The following PIK3R5 variants were observed in gnomAD, a reference collection of about 807,000 sequenced individuals.
PIK3R5 encodes the protein phosphoinositide-3-kinase regulatory subunit 5.
In PIK3R5, 32 loss-of-function variants were observed where a neutral mutation model predicts 94.9. The ratio of observed to expected loss-of-function variants is 0.34; its 90% CI spans 0.25 to 0.45. The LOEUF is 0.45. Ranked by LOEUF, PIK3R5 falls within the 20% of genes least tolerant of loss-of-function variation. PIK3R5 has a pLI of 1.00. For synonymous variants in PIK3R5, 443 were observed against 479.4 expected, an observed-to-expected ratio of 0.92 and a Z score of 0.99; for missense variants, 853 against 1,144.6, an observed-to-expected ratio of 0.75 and a Z score of 3.68.
chr17:8,880,944 A>G lies in PIK3R5; in HGVS notation c.2456T>C (p.Leu819Pro). ...GSNSCPFAVC[L>P]DQDERKILQS... ...CAGGATCTTTCTCTCATCCTGGTCC[A>G]GGCACACAGCAAAGGGGCAGCTGTT... is the stretch of plus-strand genomic sequence containing the variant. Residue 819 changes from leucine to proline, a missense_variant, in exon 18 of 19, where the codon CTG (leucine) becomes CCG (proline). Coordinates refer to ENST00000447110, the MANE Select transcript of PIK3R5 (RefSeq NM_001142633.3). The G allele has an allele frequency of 1.2e-6, 2 of 1,614,116 alleles. No individual in the cohort carries two copies. The highest frequency in any genetic ancestry group is 8.5e-7 in the Non-Finnish European group (1 of 1,179,990).
At position 8,905,665 on chromosome 17, in the gene PIK3R5, T is replaced by G; in HGVS notation, c.273+4A>C. 1 of 1,596,708 alleles carries G rather than the reference T, an allele frequency of 6.3e-7. No homozygotes were observed. The highest frequency in any genetic ancestry group is 8.5e-7 in the Non-Finnish European group (1 of 1,171,588). On this transcript the variant is annotated splice_donor_region_variant and intron_variant, in intron 4 of 18. Transcript: ENST00000447110. ...CTCCAGCATCCTGGCCCACGTGGAC[T>G]TACACAAAGAACAGTGGAATAGAAG...
At chr17:8,958,187 T>C (rs1319472264) in intron 1 of PIK3R5, among the ~76,000 whole-genome samples, 2 of 151,454 alleles carry the variant, frequency 1.3e-5, no homozygotes, top group Non-Finnish European at 2.9e-5. Flanking sequence ...AGTGGGTGCC[T>C]GTAATCCCAG....
intron 1 of PIK3R5, among the ~76,000 whole-genome samples, chr17:8,924,245 AT>A (rs111503577): frequency 0.48 from 65,706 of 137,984 alleles, 15,071 homozygotes; most frequent in African/African-American, 0.53. Context: ...TGCCTGGCTA[AT>A]TTTTTTTTTT....
intron 1 of PIK3R5, among the ~76,000 whole-genome samples, chr17:8,954,075 AG>A (rs1282055810): frequency 1.3e-5 from 2 of 152,052 alleles, no homozygotes; most frequent in Non-Finnish European, 2.9e-5. Flanking sequence ...AAAGAAAAAA[AG>A]AAAAAAAGAA....
At position 8,890,899 on chromosome 17, in the gene PIK3R5, G is replaced by T; in HGVS notation, c.496C>A (p.Leu166Met). 6.2e-7 allele frequency: 1 copy of T among 1,613,654 alleles called. No homozygotes were observed. Among genetic ancestry groups the T allele is most frequent in the Non-Finnish European group, 8.5e-7 (1 of 1,179,900 alleles). ...HRSSTVTVLL[L>M]NPVEVQAEFL... Reference sequence around the variant, plus strand: ...TCGGCCTGCACTTCCACTGGGTTCAGCAGCAGCACGGTGCTGGGGACACAG... The same window carrying T: ...TCGGCCTGCACTTCCACTGGGTTCATCAGCAGCACGGTGCTGGGGACACAG... The change falls in exon 7 of 19, where the codon CTG becomes ATG. Residue 166 changes from leucine to methionine, a missense_variant. Leu to Met is a conservative substitution (Grantham distance 15). Around this residue, in one of 6 missense-constraint regions of PIK3R5, gnomAD observed 161 missense variants for 249.5 expected, o/e 0.65. Coordinates refer to ENST00000447110, the MANE Select transcript of PIK3R5 (RefSeq NM_001142633.3). This position sits in a 1 kb window ranked among gnomAD's most constrained non-coding sequence, Gnocchi z 6.1.
At chr17:8,948,495 C>T (rs915640277) in intron 1 of PIK3R5, among the ~76,000 whole-genome samples, 2 of 152,066 alleles carry the variant, frequency 1.3e-5, no homozygotes, top group Non-Finnish European at 2.9e-5. Context: ...CAGTAGAAAA[C>T]TGGACAAAAG....
At chr17:8,891,958 G>A (rs529685028) in intron 6 of PIK3R5, among the ~76,000 whole-genome samples, 7 of 152,274 alleles carry the variant, frequency 4.6e-5, no homozygotes, top group African/African-American at 1.7e-4. Flanking sequence ...GCTCTGAGGC[G>A]CTGATCACTC....
Position 8,893,710 on chromosome 17 carries a change from C to T in PIK3R5, c.413-55G>A, listed in dbSNP as rs1597381653. Reference sequence around the variant, plus strand: ...GCTGATCAGTTCCTTCAGCATCGTCCGTGTGCCTCGTGGGGAGCCAAGCAC... The same window carrying T: ...GCTGATCAGTTCCTTCAGCATCGTCTGTGTGCCTCGTGGGGAGCCAAGCAC... On this transcript the variant is annotated intron_variant, in intron 5 of 18. Transcript: ENST00000447110. The surrounding 1 kb of genome is among the most constrained non-coding windows in gnomAD (Gnocchi z 5.1). The T allele has an allele frequency of 5.9e-6, 8 of 1,352,420 alleles. No homozygotes were observed. The East Asian group carries it at 6.9e-5, about 12-fold the overall frequency. 83.8% of individuals were successfully genotyped at this position (1,352,420 alleles called of 1,614,324 possible). A position where few individuals can be genotyped will look rare whatever the true frequency, so the allele number is the denominator to read the frequency against.
chr17:8,893,958 C>T lies in PIK3R5; in HGVS notation c.413-303G>A, dbSNP rs2090087959. 4 of 245,810 alleles carry T rather than the reference C, an allele frequency of 1.6e-5. No homozygotes were observed. The East Asian group carries it at 3.6e-4, about 22-fold the overall frequency. 15.2% of individuals were successfully genotyped at this position (245,810 alleles called of 1,614,324 possible). On this transcript the variant is annotated intron_variant, in intron 5 of 18. Coordinates refer to ENST00000447110, the MANE Select transcript of PIK3R5 (RefSeq NM_001142633.3). This position sits in a 1 kb window ranked among gnomAD's most constrained non-coding sequence, Gnocchi z 5.1. ...ACTGCCCTCCCTTCCTAAGAGCTTT[C>T]CACTCCCCTTGTGGCTCAGGTCCCG... is the stretch of plus-strand genomic sequence containing the variant.
chr17:8,960,248 G>A (rs1319757234), intron 1 of PIK3R5, among the ~76,000 whole-genome samples: 1 of 152,184 alleles, frequency 6.6e-6, no homozygotes, highest in African/African-American at 2.4e-5. Flanking sequence ...TACATGGTAG[G>A]TATTAGTATT....
intron 3 of PIK3R5, among the ~76,000 whole-genome samples, chr17:8,906,888 T>C (rs1350541561): frequency 1.3e-5 from 2 of 152,226 alleles, no homozygotes; most frequent in African/African-American, 2.4e-5. Context: ...TCCAAATGTT[T>C]AGTCAATTTT....
At chr17:8,954,791 GC>G (rs780667160) in intron 1 of PIK3R5, among the ~76,000 whole-genome samples, 16 of 151,994 alleles carry the variant, frequency 1.1e-4, no homozygotes, top group Non-Finnish European at 2.1e-4. Flanking sequence ...ACAAAAATTA[GC>G]CTGGTGTAGT....
chr17:8,941,672 T>C (rs1374606230), intron 1 of PIK3R5, among the ~76,000 whole-genome samples: 2 of 152,140 alleles, frequency 1.3e-5, no homozygotes, highest in Non-Finnish European at 2.9e-5. Context: ...TGGCACAGGA[T>C]GTGGCGGGGC....
At chr17:8,924,822 C>T (rs1342319349) in intron 1 of PIK3R5, among the ~76,000 whole-genome samples, 1 of 152,180 alleles carries the variant, frequency 6.6e-6, no homozygotes, top group East Asian at 1.9e-4. Flanking sequence ...TCAGACACTC[C>T]TCCCGATACT....
chr17:8,898,828 C>T (rs559122199), intron 5 of PIK3R5, among the ~76,000 whole-genome samples: 1 of 148,570 alleles, frequency 6.7e-6, no homozygotes, highest in East Asian at 2.1e-4. Context: ...TACAAGGGTT[C>T]GTGTTCCCTC....
intron 1 of PIK3R5, among the ~76,000 whole-genome samples, chr17:8,949,360 ACATCTG>A: frequency 6.6e-6 from 1 of 152,194 alleles, no homozygotes; most frequent in Admixed American, 6.5e-5. Context: ...CGATATTGAA[ACATCTG>A]ATGCCAAATA....
intron 1 of PIK3R5, among the ~76,000 whole-genome samples, chr17:8,959,242 A>G (rs112144651): frequency 4.1e-4 from 62 of 152,266 alleles, no homozygotes; most frequent in African/African-American, 1.5e-3. Flanking sequence ...CACTACCCCC[A>G]GCTTGCTTCT....
At position 8,925,285 on chromosome 17, in the gene PIK3R5, AGATG is replaced by A. The variant is rs928432468; in HGVS notation, c.-13-13782_-13-13779del. On this transcript the variant is annotated intron_variant, in intron 1 of 18. Coordinates refer to ENST00000447110, the MANE Select transcript of PIK3R5 (RefSeq NM_001142633.3). This position sits in a 1 kb window ranked among gnomAD's most constrained non-coding sequence, Gnocchi z 5.1. ...GGTTAGCTAGTAGATGATAGATAGTAGATGGATAGATAGATAGATAGTAGATGGA... is the reference window on the plus strand; with the variant it reads ...GGTTAGCTAGTAGATGATAGATAGTAGATAGATAGATAGATAGTAGATGGA... Among the ~76,000 whole-genome samples the A allele has an allele frequency of 2.0e-5, 3 of 152,024 alleles. No individual in the cohort carries two copies. Among genetic ancestry groups the A allele is most frequent in the East Asian group, 1.9e-4 (1 of 5,182 alleles).
At position 8,904,657 on chromosome 17, in the gene PIK3R5, T is replaced by C; in HGVS notation, c.412+120A>G. ...GACTCCATGTTTGTGAACCAAGGCG[T>C]TGGCAGAGATGAATCAAAGGATGCA... is the stretch of plus-strand genomic sequence containing the variant. On this transcript the variant is annotated intron_variant, in intron 5 of 18. Transcript: ENST00000447110. This position sits in a 1 kb window ranked among gnomAD's most constrained non-coding sequence, Gnocchi z 5.1. 1.0e-6 allele frequency: 1 copy of C among 956,746 alleles called. No individual in the cohort carries two copies. Among genetic ancestry groups the C allele is most frequent in the Non-Finnish European group, 1.6e-6 (1 of 624,198 alleles). The allele number at this position is 956,746 out of a possible 1,614,324, so 59.3% of individuals were successfully genotyped here.
Sources: allele counts gnomAD v4.1 joint callset (sites outside exome capture counted in the v4.1 genomes callset), GRCh38; gene constraint gnomAD v4.1.1; regional missense constraint gnomAD v4.1.1; non-coding constraint Gnocchi (gnomAD v3.1); transcripts MANE v1.5; gene names NCBI Gene and HGNC (gene_info 2026-07-23, HGNC 2026-07-21).